The following MNAT1 variants were observed in gnomAD, a reference collection of about 807,000 sequenced individuals.
The protein encoded by MNAT1 is MNAT1 component of CDK activating kinase, also known as CDK-activating kinase assembly factor MAT1.
In MNAT1, 43 loss-of-function variants were observed where a neutral mutation model predicts 42.0. The observed-to-expected ratio is 1.02, with a 90% CI of 0.80 to 1.32. MNAT1 has a LOEUF of 1.32. Ranked by LOEUF, MNAT1 falls within the 40% of genes most tolerant of loss-of-function variation. MNAT1 has a pLI of 0.00. For missense variants in MNAT1, 306 were observed against 350.4 expected (o/e 0.87, Z 1.01); for synonymous variants, 118 against 120.0 (o/e 0.98, Z 0.11).
chr14:60,867,476 C>T (rs2034230618), intron 6 of MNAT1, among the ~76,000 whole-genome samples: 1 of 151,986 alleles, frequency 6.6e-6, no homozygotes. Context: ...TCTGCTTATT[C>T]CCAAACATAC....
chr14:60,872,270 A>G (rs1226944802), intron 6 of MNAT1, among the ~76,000 whole-genome samples: 1 of 152,178 alleles, frequency 6.6e-6, no homozygotes, highest in Non-Finnish European at 1.5e-5. Context: ...AAGGAAGGAC[A>G]CAAAGCCATT....
intron 6 of MNAT1, among the ~76,000 whole-genome samples, chr14:60,834,842 G>C (rs2033332580): frequency 6.6e-6 from 1 of 152,044 alleles, no homozygotes; most frequent in South Asian, 2.1e-4. Flanking sequence ...TTATGAATCT[G>C]GGTGCTCCTA....
chr14:60,769,547 G>A (rs139342320), intron 1 of MNAT1, among the ~76,000 whole-genome samples: 26 of 152,098 alleles, frequency 1.7e-4, no homozygotes, highest in Admixed American at 1.6e-3. Context: ...ACCTCCCTAA[G>A]TGTTGCGATT....
intron 1 of MNAT1, among the ~76,000 whole-genome samples, chr14:60,757,350 A>G (rs2140297430): frequency 6.6e-6 from 1 of 152,238 alleles, no homozygotes; most frequent in African/African-American, 2.4e-5. Context: ...TTTTATCTAA[A>G]TGCAGTTCCA....
At chr14:60,967,352 A>G (rs1331676657) in intron 7 of MNAT1, among the ~76,000 whole-genome samples, 2 of 152,232 alleles carry the variant, frequency 1.3e-5, no homozygotes, top group Admixed American at 6.5e-5. Context: ...CATTTGCCAT[A>G]CCAGTAATTC....
intron 1 of MNAT1, among the ~76,000 whole-genome samples, chr14:60,749,437 G>A (rs151047547): frequency 1.3e-5 from 2 of 152,062 alleles, no homozygotes; most frequent in Non-Finnish European, 2.9e-5. Context: ...AAAATATTAT[G>A]TCTAACAAAT....
intron 6 of MNAT1, among the ~76,000 whole-genome samples, chr14:60,849,276 G>A (rs779528629): frequency 2.6e-5 from 4 of 152,030 alleles, no homozygotes; most frequent in Non-Finnish European, 5.9e-5. Context: ...CATTTCTGGG[G>A]CTTACTTTTC....
intron 6 of MNAT1, among the ~76,000 whole-genome samples, chr14:60,843,483 G>T (rs2033602958): frequency 1.3e-5 from 2 of 151,960 alleles, no homozygotes; most frequent in South Asian, 4.2e-4. Context: ...TGTTGGCCAG[G>T]CTGGTCTCAA....
At chr14:60,957,219 C>T (rs1038074492) in intron 7 of MNAT1, among the ~76,000 whole-genome samples, 13 of 151,942 alleles carry the variant, frequency 8.6e-5, no homozygotes, top group Admixed American at 1.3e-4. Flanking sequence ...CTTATAGTTA[C>T]GCTAGTCATA....
rs185000669 is a variant in MNAT1, at chr14:60,939,726, G to T, written c.810-28503G>T. ...ATATTCTGTTGATTTGGGTTGGAGA[G>T]TTCTGTAGATGTCTATTAGGTCTGC... On this transcript the variant is annotated intron_variant, in intron 7 of 7. Transcript: ENST00000261245. 7.9e-5 allele frequency among the ~76,000 whole-genome samples: 12 copies of T among 152,328 alleles called. No homozygotes were observed. The East Asian group carries it at 2.3e-3, about 29-fold the overall frequency.
chr14:60,852,093 C>G (rs1008613407), intron 6 of MNAT1, among the ~76,000 whole-genome samples: 24 of 152,112 alleles, frequency 1.6e-4, no homozygotes, highest in African/African-American at 5.6e-4. Flanking sequence ...GTTCTAGTTT[C>G]TTGAGGAATT....
intron 1 of MNAT1, among the ~76,000 whole-genome samples, chr14:60,770,070 A>C (rs187956540): frequency 6.6e-6 from 1 of 152,162 alleles, no homozygotes; most frequent in African/African-American, 2.4e-5. Context: ...CTGAAATTCT[A>C]TACCCATTAA....
At chr14:60,921,687 T>G (rs987157518) in intron 7 of MNAT1, among the ~76,000 whole-genome samples, 2 of 152,188 alleles carry the variant, frequency 1.3e-5, no homozygotes, top group African/African-American at 4.8e-5. Flanking sequence ...TTAAATTATT[T>G]TAACACGATC....
chr14:60,760,610 A>G (rs2030561038), intron 1 of MNAT1, among the ~76,000 whole-genome samples: 1 of 152,246 alleles, frequency 6.6e-6, no homozygotes, highest in Non-Finnish European at 1.5e-5. Context: ...CTTTCTGAGC[A>G]ATAAAAGTCT....
intron 7 of MNAT1, among the ~76,000 whole-genome samples, chr14:60,904,151 G>A (rs1270697130): frequency 4.6e-5 from 7 of 152,158 alleles, no homozygotes; most frequent in African/African-American, 1.7e-4. Context: ...GATTACAGGC[G>A]TGGGCCACTG....
At chr14:60,960,119 T>C (rs2036561926) in intron 7 of MNAT1, among the ~76,000 whole-genome samples, 1 of 152,212 alleles carries the variant, frequency 6.6e-6, no homozygotes, top group South Asian at 2.1e-4. Context: ...GTAAATACTA[T>C]GCATATGCCC....
chr14:60,761,431 T>C (rs766044479), intron 1 of MNAT1, among the ~76,000 whole-genome samples: 1 of 152,180 alleles, frequency 6.6e-6, no homozygotes, highest in Non-Finnish European at 1.5e-5. Context: ...ATAATTTACC[T>C]GAGAGCCCTT....
At chr14:60,827,782 A>T (rs1594783055) in intron 6 of MNAT1, among the ~76,000 whole-genome samples, 1 of 152,218 alleles carries the variant, frequency 6.6e-6, no homozygotes, top group East Asian at 1.9e-4. Context: ...AATTAATAAT[A>T]GTCTTATCAG....
chr14:60,916,946 CTG>C (rs2035530969), intron 7 of MNAT1, among the ~76,000 whole-genome samples: 1 of 151,994 alleles, frequency 6.6e-6, no homozygotes, highest in Non-Finnish European at 1.5e-5. Flanking sequence ...GAGCAAGACT[CTG>C]TCTCCAAAAA....
Sources: allele counts gnomAD v4.1 joint callset (sites outside exome capture counted in the v4.1 genomes callset), GRCh38; gene constraint gnomAD v4.1.1; transcripts MANE v1.5; gene names NCBI Gene and HGNC (gene_info 2026-07-23, HGNC 2026-07-21).